The following SNTB1 variants were observed in gnomAD, a reference collection of about 807,000 sequenced individuals.
SNTB1 encodes the protein beta-1-syntrophin.
Under a neutral mutation model 48.9 loss-of-function variants are expected in SNTB1, and 36 were observed. The observed-to-expected ratio is 0.74, with a 90% confidence interval of 0.56 to 0.97. The LOEUF (loss-of-function observed/expected upper bound fraction) is 0.97. SNTB1 is among the 50% of genes least tolerant of loss of function. The probability of loss-of-function intolerance (pLI) is 0.00; values close to 1 mark genes in which losing one functional copy is unlikely to be tolerated. For synonymous variants in SNTB1, 299 were observed against 294.6 expected, an observed-to-expected ratio of 1.01 and a Z score of -0.15; for missense variants, 786 against 703.4, an observed-to-expected ratio of 1.12 and a Z score of -1.33.
intron 2 of SNTB1, among the ~76,000 whole-genome samples, chr8:120,645,443 T>C (rs1404221196): frequency 5.3e-5 from 8 of 151,402 alleles, no homozygotes; most frequent in African/African-American, 1.9e-4. Flanking sequence ...TTGCTTGTTT[T>C]TCTCAGGTTT....
At chr8:120,618,993 T>C (rs1816754529) in intron 3 of SNTB1, among the ~76,000 whole-genome samples, 1 of 152,126 alleles carries the variant, frequency 6.6e-6, no homozygotes, top group African/African-American at 2.4e-5. Flanking sequence ...GAAGTTTAAA[T>C]AGAAAAATGA....
At chr8:120,692,456 C>T (rs1050696295) in intron 2 of SNTB1, among the ~76,000 whole-genome samples, 8 of 152,164 alleles carry the variant, frequency 5.3e-5, no homozygotes, top group African/African-American at 7.2e-5. Flanking sequence ...CATTTGCTGG[C>T]TCGATCCCTC....
intron 3 of SNTB1, among the ~76,000 whole-genome samples, chr8:120,623,087 A>G (rs1486421032): frequency 1.3e-5 from 2 of 152,176 alleles, no homozygotes; most frequent in African/African-American, 2.4e-5. Flanking sequence ...AGCTAATACT[A>G]CATTTCTGTT....
intron 2 of SNTB1, among the ~76,000 whole-genome samples, chr8:120,659,672 C>T (rs947468876): frequency 2.0e-5 from 3 of 152,206 alleles, no homozygotes; most frequent in African/African-American, 7.2e-5. Flanking sequence ...GAATTACTAT[C>T]TATGGCAGCT....
In SNTB1 at chr8:120,538,111, G is replaced by GT. The variant is rs1427446561; in HGVS notation, c.*765dup. On this transcript the variant is annotated 3_prime_UTR_variant, in exon 7 of 7. Coordinates refer to ENST00000517992, the MANE Select transcript of SNTB1 (RefSeq NM_021021.4). ...CTTGGCTATAAGACAGCAGACCTTG[G>GT]TGTGAGTATAGTCCCAGAATTAATC... 6.5e-6 allele frequency: 1 copy of GT among 152,694 alleles called. No homozygotes were observed. Among genetic ancestry groups the GT allele is most frequent in the Non-Finnish European group, 1.5e-5 (1 of 68,440 alleles). 9.5% of individuals were successfully genotyped at this position (152,694 alleles called of 1,614,324 possible).
intron 2 of SNTB1, among the ~76,000 whole-genome samples, chr8:120,652,975 G>A (rs1817433230): frequency 6.6e-6 from 1 of 152,144 alleles, no homozygotes; most frequent in Admixed American, 6.5e-5. Flanking sequence ...TTACAAAACG[G>A]AGTAAGAAAC....
intron 4 of SNTB1, among the ~76,000 whole-genome samples, chr8:120,561,118 A>G (rs1254103327): frequency 2.0e-5 from 3 of 152,026 alleles, no homozygotes; most frequent in African/African-American, 7.2e-5. Context: ...ACTTGAGGTC[A>G]GGAGTTCAAG....
At position 120,727,367 on chromosome 8, in the gene SNTB1, C is replaced by T. The variant is rs114520537; in HGVS notation, c.572-33459G>A. Among the ~76,000 whole-genome samples, 569 of 152,218 alleles carry T rather than the reference C, an allele frequency of 3.7e-3. 4 individuals are homozygous for T. Among genetic ancestry groups the T allele is most frequent in the African/African-American group, 0.013 (544 of 41,522 alleles). ...GCAGGCAAGGACTGTGAGGAGCAGA[C>T]ACGTTGGGGTCAGCCAGATGAGAGT... On this transcript the variant is annotated intron_variant, in intron 1 of 6. Transcript: ENST00000517992.
intron 1 of SNTB1, among the ~76,000 whole-genome samples, chr8:120,745,313 A>G (rs1477945457): frequency 6.6e-6 from 1 of 151,572 alleles, no homozygotes; most frequent in Non-Finnish European, 1.5e-5. Flanking sequence ...CATCATCCCC[A>G]TCGTGGTTGG....
chr8:120,658,055 A>C (rs1817529049), intron 2 of SNTB1, among the ~76,000 whole-genome samples: 1 of 152,228 alleles, frequency 6.6e-6, no homozygotes, highest in Admixed American at 6.5e-5. Flanking sequence ...CCATTACCAA[A>C]ATATCACTCA....
chr8:120,811,444 T>C lies in SNTB1; in HGVS notation c.400A>G (p.Lys134Glu), dbSNP rs763184375. The stretch of plus-strand genomic sequence containing the variant: ...ATCTTGCTGATGAGGATGGGCATCT[T>C]GTTCTCCTTGCCCCCCTTGATGCTG... Reference protein sequence around the residue: ...GISIKGGKENKMPILISKIFK... With the variant: ...GISIKGGKENEMPILISKIFK... The change falls in exon 1 of 7, where the codon AAG (lysine) becomes GAG (glutamate). Residue 134 changes from lysine (K) to glutamate (E), a missense_variant. Physicochemically the swap from Lys to Glu is moderately conservative, Grantham distance 56. Transcript: ENST00000517992. 6.2e-7 allele frequency: 1 copy of C among 1,613,994 alleles called. No individual in the cohort carries two copies. The highest frequency in any genetic ancestry group is 8.5e-7 in the Non-Finnish European group (1 of 1,179,874).
rs543683254 is a variant in SNTB1, at chr8:120,772,368, C to T, written c.571+38905G>A. On this transcript the variant is annotated intron_variant, in intron 1 of 6. Transcript: ENST00000517992. ...TCAAAGCATTCTCTTGCCTCAGCCT[C>T]CTGAGTAACTAGGATTATAGGTGCG... 4.6e-5 allele frequency among the ~76,000 whole-genome samples: 7 copies of T among 152,032 alleles called. No individual in the cohort carries two copies. In the South Asian group the frequency reaches 1.5e-3, roughly 32 times the overall value.
rs187329842 is a variant in SNTB1 at position 120,644,588 on chromosome 8, G to T, written c.789-11937C>A. 4.4e-4 allele frequency among the ~76,000 whole-genome samples: 67 copies of T among 152,192 alleles called. No individual in the cohort carries two copies. In the East Asian group the frequency reaches 8.1e-3, roughly 18 times the overall value. ...TGTTGGACATTTGGGTTGGTTCCAA[G>T]TCTTTGCTATTGTGAATAATGTCGC... On this transcript the variant is annotated intron_variant, in intron 2 of 6. Coordinates refer to ENST00000517992, the MANE Select transcript of SNTB1 (RefSeq NM_021021.4).
chr8:120,634,836 G>A (rs921264822), intron 2 of SNTB1, among the ~76,000 whole-genome samples: 1 of 151,524 alleles, frequency 6.6e-6, no homozygotes, highest in African/African-American at 2.4e-5. Context: ...GGGAACTTTA[G>A]CCATAATTAG....
rs1815222034 is a variant in SNTB1 at position 120,537,646 on chromosome 8, A to C, written c.*1231T>G. ...ATAGAGATCCTAGAGCTCATTTTCA[A>C]GGTTTGAGAAAAGTGACTTCAAAAT... is the stretch of plus-strand genomic sequence containing the variant. On this transcript the variant is annotated 3_prime_UTR_variant, in exon 7 of 7. Coordinates refer to ENST00000517992, the MANE Select transcript of SNTB1 (RefSeq NM_021021.4). 1 of 152,234 alleles carries C rather than the reference A, an allele frequency of 6.6e-6. No homozygotes were observed. The allele number at this position is 152,234 out of a possible 1,614,324, so 9.4% of individuals were successfully genotyped here. A position where few individuals can be genotyped will look rare whatever the true frequency, so the allele number is the denominator to read the frequency against.
At chr8:120,694,066 A>C (rs1038252756) in intron 1 of SNTB1, among the ~76,000 whole-genome samples, 158 bp from the exon 2 acceptor site, 24 of 139,498 alleles carry the variant, frequency 1.7e-4, no homozygotes, top group Non-Finnish European at 9.3e-5. Context: ...ACTCAAGGTA[A>C]TTATCTTATT....
At chr8:120,586,271 T>C (rs1408710412) in intron 3 of SNTB1, among the ~76,000 whole-genome samples, 1 of 152,230 alleles carries the variant, frequency 6.6e-6, no homozygotes, top group African/African-American at 2.4e-5. Context: ...ACTTTCCCTA[T>C]ATTTAAAAGC....
chr8:120,652,626 G>A (rs186828143), intron 2 of SNTB1, among the ~76,000 whole-genome samples: 1 of 151,246 alleles, frequency 6.6e-6, no homozygotes, highest in East Asian at 1.9e-4. Context: ...TCATTTTTCT[G>A]AGCCTCAAAT....
At chr8:120,669,321 CAT>C (rs2129777375) in intron 2 of SNTB1, among the ~76,000 whole-genome samples, 2 of 152,256 alleles carry the variant, frequency 1.3e-5, no homozygotes, top group South Asian at 4.2e-4. Flanking sequence ...ATTCCTCACA[CAT>C]GTGGATTCAC....
Sources: allele counts gnomAD v4.1 joint callset (sites outside exome capture counted in the v4.1 genomes callset), GRCh38; gene constraint gnomAD v4.1.1; transcripts MANE v1.5; gene names NCBI Gene and HGNC (gene_info 2026-07-23, HGNC 2026-07-21).